FAM117B: variants seen among roughly 807,000 people sequenced by gnomAD.
The protein encoded by FAM117B is family with sequence similarity 117 member B.
In FAM117B, 22 loss-of-function variants were observed where a neutral mutation model predicts 52.8. That is an observed-to-expected ratio of 0.42 (90% confidence interval 0.30 to 0.59). The LOEUF is 0.59. Ranked by LOEUF, FAM117B falls within the 20% of genes least tolerant of loss-of-function variation. The pLI is 0.22. For missense variants in FAM117B, 678 were observed against 802.6 expected (o/e 0.84, Z 1.88); for synonymous variants, 309 against 324.1 (o/e 0.95, Z 0.50).
chr2:202,751,507 GCCTGTAATC>G (rs1336788560), intron 4 of FAM117B, among the ~76,000 whole-genome samples: 1 of 152,056 alleles, frequency 6.6e-6, no homozygotes, highest in Admixed American at 6.6e-5. Flanking sequence ...AGTGGCTCAC[GCCTGTAATC>G]CCAGCACTTT....
At chr2:202,672,051 GT>G (rs1303919219) in intron 1 of FAM117B, among the ~76,000 whole-genome samples, 1 of 152,206 alleles carries the variant, frequency 6.6e-6, no homozygotes, top group Non-Finnish European at 1.5e-5. Context: ...TTGCATGGCT[GT>G]GACCTAACTG....
intron 4 of FAM117B, among the ~76,000 whole-genome samples, chr2:202,727,673 A>C (rs1393182703): frequency 1.3e-5 from 2 of 152,280 alleles, no homozygotes; most frequent in East Asian, 3.9e-4. Context: ...ATGCCATTTT[A>C]TATAAGGGAC....
chr2:202,642,991 G>A lies in FAM117B; in HGVS notation c.601+7203G>A, dbSNP rs919033313. ...GAGATAGGAAAGATTTTCAAATGTCGTGAAGTAGGCTGAGCCTGGAGAATA... is the reference window on the plus strand; with the variant it reads ...GAGATAGGAAAGATTTTCAAATGTCATGAAGTAGGCTGAGCCTGGAGAATA... On this transcript the variant is annotated intron_variant, in intron 1 of 7. Transcript: ENST00000392238. Among the ~76,000 whole-genome samples the A allele has an allele frequency of 1.7e-4, 26 of 152,316 alleles. No individual in the cohort carries two copies. In the East Asian group the frequency reaches 2.5e-3, roughly 15 times the overall value.
chr2:202,654,923 G>A (rs1690028981), intron 1 of FAM117B, among the ~76,000 whole-genome samples: 1 of 151,716 alleles, frequency 6.6e-6, no homozygotes, highest in Admixed American at 6.6e-5. Flanking sequence ...GCTGCTATGA[G>A]TATACGTTTA....
chr2:202,699,426 C>CA (rs751190825), intron 2 of FAM117B, among the ~76,000 whole-genome samples: 911 of 17,668 alleles, frequency 0.052, 30 homozygotes, highest in East Asian at 0.098. Context: ...GACCCCATCT[C>CA]AAAAAAAAAA....
intron 2 of FAM117B, among the ~76,000 whole-genome samples, chr2:202,712,010 T>C (rs768525357): frequency 6.6e-6 from 1 of 152,184 alleles, no homozygotes; most frequent in Non-Finnish European, 1.5e-5. Context: ...TTGCTCAGGA[T>C]AACTTGGGCT....
intron 7 of FAM117B, among the ~76,000 whole-genome samples, chr2:202,761,822 T>C (rs1453083938): frequency 2.0e-5 from 3 of 152,064 alleles, no homozygotes; most frequent in Admixed American, 2.0e-4. Flanking sequence ...CCACCGTGCC[T>C]AGTCATGTTA....
At chr2:202,643,929 C>T (rs968050170) in intron 1 of FAM117B, among the ~76,000 whole-genome samples, 3 of 152,072 alleles carry the variant, frequency 2.0e-5, no homozygotes, top group Admixed American at 6.6e-5. Flanking sequence ...AGGCTGGTCT[C>T]GAACTCCTGG....
chr2:202,733,119 T>C (rs1691383024), intron 4 of FAM117B, among the ~76,000 whole-genome samples: 1 of 152,134 alleles, frequency 6.6e-6, no homozygotes, highest in African/African-American at 2.4e-5. Context: ...AGGTCTGTAA[T>C]GTCCGCCTGA....
intron 4 of FAM117B, among the ~76,000 whole-genome samples, chr2:202,736,772 A>C (rs1335943957): frequency 6.6e-6 from 1 of 152,252 alleles, no homozygotes; most frequent in African/African-American, 2.4e-5. Context: ...TAGTCCATCA[A>C]TCAGCAATCA....
rs1689672232 is a variant in FAM117B, at chr2:202,635,658, C to T, written c.471C>T (p.Pro157=). The T allele has an allele frequency of 7.3e-7, 1 of 1,364,474 alleles. No individual in the cohort carries two copies. The highest frequency in any genetic ancestry group is 9.4e-7 in the Non-Finnish European group (1 of 1,060,590). The allele number at this position is 1,364,474 out of a possible 1,614,324, so 84.5% of individuals were successfully genotyped here. Residue 157 remains proline (P), a synonymous_variant, in exon 1 of 8, where the codon CCC becomes CCT. Coordinates refer to ENST00000392238, the MANE Select transcript of FAM117B (RefSeq NM_173511.4). ...LGTVSSPSSS[P]THLWTGEVSA... ...CCGTGTCGTCGCCCAGCTCGTCGCC[C>T]ACCCACCTGTGGACCGGCGAGGTGA...
intron 4 of FAM117B, among the ~76,000 whole-genome samples, chr2:202,730,321 A>C (rs1482555962): frequency 2.6e-5 from 4 of 152,156 alleles, no homozygotes; most frequent in African/African-American, 9.7e-5. Flanking sequence ...ATGGTTGACA[A>C]TATTTGAGAA....
At chr2:202,695,634 C>T (rs1375868861) in intron 1 of FAM117B, among the ~76,000 whole-genome samples, 1 of 152,140 alleles carries the variant, frequency 6.6e-6, no homozygotes, top group East Asian at 1.9e-4. Flanking sequence ...TTGTTAATCT[C>T]ATGCTGTGCC....
intron 4 of FAM117B, among the ~76,000 whole-genome samples, chr2:202,727,798 G>C (rs1412581532): frequency 6.6e-6 from 1 of 152,132 alleles, no homozygotes; most frequent in Non-Finnish European, 1.5e-5. Context: ...AATACTTACT[G>C]TTTGGCCCTT....
At chr2:202,718,493 T>G (rs1691094901) in intron 2 of FAM117B, among the ~76,000 whole-genome samples, 1 of 152,224 alleles carries the variant, frequency 6.6e-6, no homozygotes, top group South Asian at 2.1e-4. Context: ...TAATGTGGCA[T>G]ATTATATCAG....
intron 2 of FAM117B, among the ~76,000 whole-genome samples, chr2:202,723,930 C>T (rs1219739764): frequency 6.6e-6 from 1 of 151,762 alleles, no homozygotes; most frequent in Non-Finnish European, 1.5e-5. Flanking sequence ...GAAGCTTTAA[C>T]TTTCATTTCC....
intron 1 of FAM117B, among the ~76,000 whole-genome samples, chr2:202,694,466 C>T (rs1339174059): frequency 1.3e-5 from 2 of 152,036 alleles, no homozygotes; most frequent in African/African-American, 2.4e-5. Flanking sequence ...GCTGGGATTA[C>T]AGGCTTGAGC....
At chr2:202,736,402 C>CACCCT (rs1424071805) in intron 4 of FAM117B, among the ~76,000 whole-genome samples, 1 of 152,096 alleles carries the variant, frequency 6.6e-6, no homozygotes, top group Non-Finnish European at 1.5e-5. Flanking sequence ...GGTCTGGAGT[C>CACCCT]AAAGGCCCTT....
intron 1 of FAM117B, 37 bp from the exon 2 acceptor site, chr2:202,695,844 A>G (rs1223173287): frequency 1.3e-6 from 2 of 1,541,726 alleles, no homozygotes; most frequent in East Asian, 2.4e-5. Flanking sequence ...TTTCTTTCCT[A>G]ATTTTATTAA....
Sources: gnomAD v4.1 joint callset for allele counts (sites outside exome capture counted in the v4.1 genomes callset) on GRCh38, gnomAD v4.1.1 for gene constraint, MANE v1.5 for transcripts, NCBI Gene and HGNC (gene_info 2026-07-23, HGNC 2026-07-21) for gene names.